Variants in FOXP1 observed in about 807,000 individuals in gnomAD.
FOXP1 encodes forkhead box protein P1.
Under a neutral mutation model 98.2 loss-of-function variants are expected in FOXP1, and 15 were observed. That is an observed-to-expected ratio of 0.15 (90% CI 0.10 to 0.24). The LOEUF (loss-of-function observed/expected upper bound fraction) is 0.24. Ranked by LOEUF, FOXP1 falls within the 10% of genes least tolerant of loss-of-function variation. FOXP1 has a pLI of 1.00. For synonymous variants in FOXP1, 371 were observed against 314.5 expected (o/e 1.18, Z -1.90); for missense variants, 633 against 848.5 (o/e 0.75, Z 3.15).
chr3:71,082,148 G>A lies in FOXP1; in HGVS notation c.283-28375C>T, dbSNP rs144536339. Among the ~76,000 whole-genome samples, 1,456 of 151,986 alleles carry A rather than the reference G, an allele frequency of 9.6e-3. 28 individuals carry two copies. The highest frequency in any genetic ancestry group is 0.034 in the African/African-American group (1,394 of 41,452). ...ACAAAAATGAGCTGGGCGTGGTGGC[G>A]CACGCCTGTAATCCCAGCTACTCAG... On this transcript the variant is annotated intron_variant, in intron 7 of 20. Coordinates refer to ENST00000649528, the MANE Select transcript of FOXP1 (RefSeq NM_001349338.3).
At chr3:71,433,475 A>G (rs1016513959) in intron 3 of FOXP1, among the ~76,000 whole-genome samples, 1 of 152,226 alleles carries the variant, frequency 6.6e-6, no homozygotes, top group African/African-American at 2.4e-5. Context: ...AAACATGCAA[A>G]GGCTTCCAAT....
intron 3 of FOXP1, among the ~76,000 whole-genome samples, chr3:71,478,633 A>G (rs1490892500): frequency 1.3e-5 from 2 of 152,198 alleles, no homozygotes; most frequent in Non-Finnish European, 2.9e-5. Flanking sequence ...TCCATGCGCC[A>G]TGGGAGTCAG....
At chr3:71,354,034 C>T (rs552530602) in intron 4 of FOXP1, among the ~76,000 whole-genome samples, 3 of 151,514 alleles carry the variant, frequency 2.0e-5, no homozygotes, top group Admixed American at 6.6e-5. Flanking sequence ...GGGCTGGGCG[C>T]GGTGGTTCAC....
chr3:71,309,426 C>A (rs2074534547), intron 4 of FOXP1, among the ~76,000 whole-genome samples: 1 of 148,136 alleles, frequency 6.8e-6, no homozygotes, highest in Non-Finnish European at 1.5e-5. Context: ...GCTTTTCTTT[C>A]AAAGTACTCT....
At chr3:71,070,846 T>C in intron 7 of FOXP1, among the ~76,000 whole-genome samples, 1 of 152,212 alleles carries the variant, frequency 6.6e-6, no homozygotes, top group Non-Finnish European at 1.5e-5. Context: ...GCTTAGCAGT[T>C]GCAACCTCAA....
Position 71,169,137 on chromosome 3 carries a change from G to A in FOXP1, c.180+29065C>T, listed in dbSNP as rs540615843. On this transcript the variant is annotated intron_variant, in intron 6 of 20. Transcript: ENST00000649528. ...TGCTCATAAACTGAGGTGGTGCCGT[G>A]ACTATCAACAGCTGTATTTGACTAT... Among the ~76,000 whole-genome samples the A allele has an allele frequency of 1.1e-4, 17 of 152,304 alleles. No homozygotes were observed. The East Asian group carries it at 3.1e-3, about 28-fold the overall frequency.
chr3:71,445,888 T>C (rs1577556815), intron 3 of FOXP1, among the ~76,000 whole-genome samples: 1 of 152,216 alleles, frequency 6.6e-6, no homozygotes, highest in East Asian at 1.9e-4. Context: ...GGTTTCACCA[T>C]ATTGGCCAGT....
intron 3 of FOXP1, among the ~76,000 whole-genome samples, chr3:71,381,647 T>C (rs1352758786): frequency 6.6e-6 from 1 of 152,044 alleles, no homozygotes; most frequent in African/African-American, 2.4e-5. Context: ...TCTCTCTGTG[T>C]TGCCCAGGCT....
At position 71,024,917 on chromosome 3, in the gene FOXP1, G is replaced by C. The variant is rs541049938; in HGVS notation, c.870-9264C>G. On this transcript the variant is annotated intron_variant, in intron 11 of 20. Transcript: ENST00000649528. The stretch of plus-strand genomic sequence containing the variant: ...AAATTATGCTGGGAGAAATAAGAGA[G>C]TTATTTTTCTATAGTGGTCCTCAGG... Among the ~76,000 whole-genome samples the C allele has an allele frequency of 2.6e-5, 4 of 152,258 alleles. No homozygotes were observed. In the South Asian group the frequency reaches 8.3e-4, roughly 32 times the overall value.
chr3:71,483,568 T>C (rs976520429), intron 3 of FOXP1, among the ~76,000 whole-genome samples: 1 of 152,164 alleles, frequency 6.6e-6, no homozygotes, highest in African/African-American at 2.4e-5. Context: ...CACATGAAAA[T>C]CATGTGAAAT....
intron 3 of FOXP1, among the ~76,000 whole-genome samples, chr3:71,369,778 A>T (rs1475207175): frequency 6.6e-6 from 1 of 152,170 alleles, no homozygotes; most frequent in Non-Finnish European, 1.5e-5. Flanking sequence ...GAGTGTAGTT[A>T]ATCAACTCAG....
intron 8 of FOXP1, 28 bp from the exon 9 acceptor site, chr3:71,052,654 A>C: frequency 1.1e-6 from 1 of 925,192 alleles, no homozygotes. Context: ...GACGGTAAGT[A>C]ACAGAGGGTA....
At chr3:71,064,919 G>C in intron 7 of FOXP1, 1 of 490,268 alleles carries the variant, frequency 2.0e-6, no homozygotes, top group South Asian at 8.7e-5. Context: ...CGTGCAGGCG[G>C]ACTGCACGCG....
At chr3:71,168,488 G>C (rs900637850) in intron 6 of FOXP1, among the ~76,000 whole-genome samples, 4 of 152,212 alleles carry the variant, frequency 2.6e-5, no homozygotes, top group Non-Finnish European at 5.9e-5. Context: ...ATGGCCAAAT[G>C]GCCGGTAGAC....
At chr3:71,223,845 A>G (rs2065614647) in intron 5 of FOXP1, among the ~76,000 whole-genome samples, 1 of 152,306 alleles carries the variant, frequency 6.6e-6, no homozygotes, top group South Asian at 2.1e-4. Flanking sequence ...TGCTTCAGTA[A>G]AGCCTAATAG....
chr3:71,286,883 T>A (rs963913898), intron 5 of FOXP1, among the ~76,000 whole-genome samples: 3 of 152,222 alleles, frequency 2.0e-5, no homozygotes, highest in African/African-American at 7.2e-5. Context: ...ACTAGGTGAT[T>A]ATCTAAAATC....
In FOXP1 at chr3:71,274,095, G is replaced by A. The variant is rs113815806; in HGVS notation, c.-12+25725C>T. On this transcript the variant is annotated intron_variant, in intron 5 of 20. Coordinates refer to ENST00000649528, the MANE Select transcript of FOXP1 (RefSeq NM_001349338.3). ...GGAGCCCTCCCTTCCAATTCCTTGGGTCGAATATTTCACATCAAAAAGGAC... is the reference window on the plus strand; with the variant it reads ...GGAGCCCTCCCTTCCAATTCCTTGGATCGAATATTTCACATCAAAAAGGAC... Among the ~76,000 whole-genome samples, 1,387 of 152,150 alleles carry A rather than the reference G, an allele frequency of 9.1e-3. 13 individuals carry two copies. The highest frequency in any genetic ancestry group is 0.013 in the Non-Finnish European group (861 of 68,006).
intron 10 of FOXP1, among the ~76,000 whole-genome samples, chr3:71,043,766 A>G (rs1220094538): frequency 6.6e-6 from 1 of 152,224 alleles, no homozygotes; most frequent in Non-Finnish European, 1.5e-5. Context: ...TTTCTCTCGA[A>G]GAAAAGCAGA....
intron 2 of FOXP1, among the ~76,000 whole-genome samples, chr3:71,531,437 C>T (rs570990907): frequency 1.3e-5 from 2 of 152,232 alleles, no homozygotes; most frequent in East Asian, 3.9e-4. Flanking sequence ...AGGAAAAGAC[C>T]TCAGAGCACT....
Sources: allele counts gnomAD v4.1 joint callset (sites outside exome capture counted in the v4.1 genomes callset), GRCh38; gene constraint gnomAD v4.1.1; transcripts MANE v1.5; gene names NCBI Gene and HGNC (gene_info 2026-07-23, HGNC 2026-07-21).